ANXA3: variants seen among roughly 807,000 people sequenced by gnomAD.
The protein encoded by ANXA3 is annexin A3.
A neutral mutation model predicts 48.8 loss-of-function variants in ANXA3; 46 were observed. That is an observed-to-expected ratio of 0.94 (90% CI 0.74 to 1.21). The LOEUF (loss-of-function observed/expected upper bound fraction) is 1.21, where lower values mean the gene tolerates loss of function less well. Among genes scored for constraint, ANXA3 ranks in the 50% most tolerant of loss-of-function variants. ANXA3 has a pLI of 0.00. For missense variants in ANXA3, 383 were observed against 378.6 expected, an observed-to-expected ratio of 1.01 and a Z score of -0.10; for synonymous variants, 128 against 134.7, an observed-to-expected ratio of 0.95 and a Z score of 0.35.
intron 12 of ANXA3, among the ~76,000 whole-genome samples, chr4:78,605,317 A>G (rs1482012567): frequency 6.6e-6 from 1 of 152,164 alleles, no homozygotes; most frequent in Non-Finnish European, 1.5e-5. Context: ...TAGGTGAGGA[A>G]TTGTATCTCA....
chr4:78,597,284 G>T (rs73828043), intron 9 of ANXA3, 35 bp from the exon 10 acceptor site: 31 of 1,378,272 alleles, frequency 2.2e-5, no homozygotes, highest in Middle Eastern at 3.6e-4. Flanking sequence ...GCTCAACTGC[G>T]TTGCTTTAAA....
At chr4:78,598,732 G>C (rs1723478055) in intron 10 of ANXA3, among the ~76,000 whole-genome samples, 1 of 151,934 alleles carries the variant, frequency 6.6e-6, no homozygotes, top group Non-Finnish European at 1.5e-5. Context: ...TAGAGACAGG[G>C]TTTCACCATG....
chr4:78,590,563 A>G (rs1484646348), intron 6 of ANXA3, among the ~76,000 whole-genome samples: 3 of 152,186 alleles, frequency 2.0e-5, no homozygotes, highest in Non-Finnish European at 4.4e-5. Context: ...CAAAGGGTAT[A>G]GTGGCTCCAA....
At chr4:78,580,934 G>A (rs1723058821) in intron 4 of ANXA3, among the ~76,000 whole-genome samples, 1 of 152,170 alleles carries the variant, frequency 6.6e-6, no homozygotes, top group Non-Finnish European at 1.5e-5. Context: ...ATGATCTATT[G>A]GCCTTTTGGT....
chr4:78,573,587 A>T (rs1722887507), intron 3 of ANXA3, among the ~76,000 whole-genome samples: 1 of 152,188 alleles, frequency 6.6e-6, no homozygotes, highest in Non-Finnish European at 1.5e-5. Flanking sequence ...GGGTCAAAAA[A>T]TACTGAAAAC....
Position 78,595,856 on chromosome 4 carries a change from GTGTT to G in ANXA3, c.605_608del (p.Cys202Ter). 6.2e-7 allele frequency: 1 copy of G among 1,611,610 alleles called. No individual in the cohort carries two copies. The highest frequency in any genetic ancestry group is 8.5e-7 in the Non-Finnish European group (1 of 1,177,824). On this transcript the variant is annotated frameshift_variant, in exon 9 of 13. Coordinates refer to ENST00000264908, the MANE Select transcript of ANXA3 (RefSeq NM_005139.3). LOFTEE classifies it high-confidence loss of function. ...ATGAAGACAAATTCACTGAGATCCTGTGTTTAAGGAGCTTTCCTCAATTAAAACT... is the reference window on the plus strand; with the variant it reads ...ATGAAGACAAATTCACTGAGATCCTGTAAGGAGCTTTCCTCAATTAAAACT...
chr4:78,579,171 T>C (rs970230883), intron 4 of ANXA3, 50 bp downstream of exon 4: 5 of 1,320,248 alleles, frequency 3.8e-6, no homozygotes, highest in Middle Eastern at 1.8e-4. Context: ...TAATGTACCA[T>C]GGTCGCTCCC....
chr4:78,607,613 G>A (rs907464207), intron 12 of ANXA3, among the ~76,000 whole-genome samples: 2 of 152,074 alleles, frequency 1.3e-5, no homozygotes, highest in Non-Finnish European at 2.9e-5. Flanking sequence ...AGCTTTTTAT[G>A]GGAAAATATA....
chr4:78,607,098 C>T (rs1277339146), intron 12 of ANXA3, among the ~76,000 whole-genome samples: 1 of 152,204 alleles, frequency 6.6e-6, no homozygotes, highest in Admixed American at 6.5e-5. Flanking sequence ...ACCAGTGGCT[C>T]TCCGTTCCCC....
intron 2 of ANXA3, among the ~76,000 whole-genome samples, chr4:78,560,486 C>T (rs1480466412): frequency 6.6e-6 from 1 of 152,218 alleles, no homozygotes; most frequent in Non-Finnish European, 1.5e-5. Flanking sequence ...CCTCCATGCC[C>T]TCTCCCTGTG....
intron 12 of ANXA3, among the ~76,000 whole-genome samples, chr4:78,608,049 A>C (rs1411137510): frequency 6.6e-6 from 1 of 152,224 alleles, no homozygotes; most frequent in Non-Finnish European, 1.5e-5. Context: ...CTTTGAGATC[A>C]GCGAATTCAC....
intron 7 of ANXA3, among the ~76,000 whole-genome samples, chr4:78,592,274 G>A (rs554832546): frequency 6.6e-6 from 1 of 152,250 alleles, no homozygotes; most frequent in East Asian, 1.9e-4. Context: ...AAGAGAGAAC[G>A]TGATTTAAAC....
intron 2 of ANXA3, among the ~76,000 whole-genome samples, chr4:78,571,701 C>A (rs1722843659): frequency 6.6e-6 from 1 of 152,232 alleles, no homozygotes; most frequent in Admixed American, 6.5e-5. Context: ...AAGTTAGGAA[C>A]TACCACATAA....
At chr4:78,553,442 C>T (rs1021056804) in intron 1 of ANXA3, among the ~76,000 whole-genome samples, 6 of 152,132 alleles carry the variant, frequency 3.9e-5, no homozygotes, top group Non-Finnish European at 8.8e-5. Context: ...CCCTTCTTCA[C>T]TTTTTACAGA....
At chr4:78,571,994 G>A (rs1311442009) in intron 2 of ANXA3, among the ~76,000 whole-genome samples, 1 of 152,176 alleles carries the variant, frequency 6.6e-6, no homozygotes, top group Admixed American at 6.5e-5. Context: ...GGATCATTTA[G>A]TCTGGGATTC....
intron 3 of ANXA3, among the ~76,000 whole-genome samples, chr4:78,577,684 G>A (rs1402732424): frequency 6.6e-6 from 1 of 152,212 alleles, no homozygotes; most frequent in Non-Finnish European, 1.5e-5. Context: ...TGCCACGGAA[G>A]TGTGTAGATG....
chr4:78,594,570 A>C (rs1587222), intron 7 of ANXA3, among the ~76,000 whole-genome samples: 1 of 152,104 alleles, frequency 6.6e-6, no homozygotes, highest in Non-Finnish European at 1.5e-5. Context: ...TTTTGGATTT[A>C]AGCCCTTCTA....
intron 6 of ANXA3, among the ~76,000 whole-genome samples, chr4:78,591,072 A>T (rs895121859): frequency 1.3e-5 from 2 of 152,194 alleles, no homozygotes; most frequent in African/African-American, 4.8e-5. Context: ...CTTTAAGGAG[A>T]TTTGTCTGCC....
At chr4:78,576,518 G>T (rs1479048797) in intron 3 of ANXA3, among the ~76,000 whole-genome samples, 53 of 152,144 alleles carry the variant, frequency 3.5e-4, no homozygotes. Context: ...GCTAGTCTTG[G>T]ACTCCTGGGC....
Sources: allele counts gnomAD v4.1 joint callset (sites outside exome capture counted in the v4.1 genomes callset), GRCh38; gene constraint gnomAD v4.1.1; transcripts MANE v1.5; gene names NCBI Gene and HGNC (gene_info 2026-07-23, HGNC 2026-07-21).